PDPR: variants seen among roughly 807,000 people sequenced by gnomAD.
PDPR encodes pyruvate dehydrogenase phosphatase regulatory subunit, also known as pyruvate dehydrogenase phosphatase regulatory subunit, mitochondrial.
A neutral mutation model predicts 102.2 loss-of-function variants in PDPR; 50 were observed. The observed-to-expected ratio is 0.49, with a 90% CI of 0.39 to 0.62. The LOEUF is 0.62. PDPR is among the 20% of genes least tolerant of loss of function. PDPR has a pLI of 0.00. For missense variants in PDPR, 625 were observed against 1,098.2 expected (o/e 0.57, Z 6.09); for synonymous variants, 259 against 406.0 (o/e 0.64, Z 4.35).
chr16:70,142,639 G>A lies in PDPR; in HGVS notation c.1558G>A (p.Ala520Thr). Residue 520 changes from alanine (A) to threonine (T), a missense_variant, in exon 13 of 19, where the codon GCT becomes ACT. Physicochemically the swap from Ala to Thr is moderately conservative, Grantham distance 58. Around this residue, in one of 11 missense-constraint regions of PDPR, gnomAD observed 28 missense variants for 141.2 expected, o/e 0.20. Coordinates refer to ENST00000288050, the MANE Select transcript of PDPR (RefSeq NM_017990.5). ...GTCTGAAGTCAAGTGCTGTAAGGAA[G>A]CTGTGTGTGTCATTGACATGTCCTC... ...VESEVKCCKE[A>T]VCVIDMSSFT... 2 of 1,614,106 alleles carry A rather than the reference G, an allele frequency of 1.2e-6. No individual in the cohort carries two copies. Among genetic ancestry groups the A allele is most frequent in the Non-Finnish European group, 1.7e-6 (2 of 1,179,916 alleles).
chr16:70,124,329 C>T (rs1204324447), intron 3 of PDPR, among the ~76,000 whole-genome samples: 4 of 152,260 alleles, frequency 2.6e-5, no homozygotes, highest in Non-Finnish European at 5.9e-5. Flanking sequence ...TGCCACTGCC[C>T]TCCAGCCTGG....
intron 10 of PDPR, among the ~76,000 whole-genome samples, chr16:70,136,661 T>A (rs1412194925): frequency 1.3e-5 from 2 of 152,236 alleles, no homozygotes. Context: ...TTTTCAGTTA[T>A]AACAAATATT....
At chr16:70,142,728 T>A in intron 13 of PDPR, 42 bp downstream of exon 13, 1 of 1,613,038 alleles carries the variant, frequency 6.2e-7, no homozygotes. Flanking sequence ...TAGGAAACTT[T>A]ACATATTTAT....
At chr16:70,152,605 A>G (rs1181911903) in intron 17 of PDPR, among the ~76,000 whole-genome samples, 1 of 152,282 alleles carries the variant, frequency 6.6e-6, no homozygotes, top group Non-Finnish European at 1.5e-5. Flanking sequence ...GTTCATAGAA[A>G]CATACTGTGC....
chr16:70,149,251 T>C (rs1036608925), intron 17 of PDPR, among the ~76,000 whole-genome samples: 1 of 149,580 alleles, frequency 6.7e-6, no homozygotes, highest in East Asian at 2.0e-4. Flanking sequence ...ATCCTGTTTT[T>C]TTTTTTTTCA....
chr16:70,153,458 A>G lies in PDPR; in HGVS notation c.2120A>G (p.Tyr707Cys). The G allele has an allele frequency of 3.7e-6, 6 of 1,613,924 alleles. No individual in the cohort carries two copies. Among genetic ancestry groups the G allele is most frequent in the Non-Finnish European group, 4.2e-6 (5 of 1,179,860 alleles). Reference sequence around the variant, plus strand: ...AAATACGGAATCCGGAATGCTGGGTATTACGCTCTTCGCAGTCTCCGAATT... The same window carrying G: ...AAATACGGAATCCGGAATGCTGGGTGTTACGCTCTTCGCAGTCTCCGAATT... ...GQKYGIRNAG[Y>C]YALRSLRIEK... Residue 707 changes from tyrosine (Y) to cysteine (C), a missense_variant, in exon 18 of 19, where the codon TAT becomes TGT. Tyr to Cys is a radical substitution (Grantham distance 194, BLOSUM62 -2). This residue lies in a region of PDPR where 303 missense variants were observed against 258.9 expected (regional missense o/e 1.17). Coordinates refer to ENST00000288050, the MANE Select transcript of PDPR (RefSeq NM_017990.5).
rs1252724202 is a variant in PDPR, at chr16:70,128,765, G to C, written c.362-19G>C. 1.2e-6 allele frequency: 2 copies of C among 1,613,358 alleles called. No individual in the cohort carries two copies. Among genetic ancestry groups the C allele is most frequent in the Middle Eastern group, 3.3e-4 (2 of 6,076 alleles). On this transcript the variant is annotated intron_variant, in intron 4 of 18. Coordinates refer to ENST00000288050, the MANE Select transcript of PDPR (RefSeq NM_017990.5). The stretch of plus-strand genomic sequence containing the variant: ...ACATTTGGTCTGATCTGTCTCATTT[G>C]GGCTCATTTTTCTTACAGGTTACAC...
At chr16:70,150,530 A>ATTTTTTTT (rs1966646752) in intron 17 of PDPR, among the ~76,000 whole-genome samples, 2 of 65,514 alleles carry the variant, frequency 3.1e-5, no homozygotes, top group African/African-American at 5.6e-5. Context: ...GTTTTCTCTT[A>ATTTTTTTT]ATTTTTTTTT....
intron 3 of PDPR, among the ~76,000 whole-genome samples, chr16:70,125,446 C>T (rs1169774854): frequency 2.0e-5 from 3 of 148,638 alleles, no homozygotes; most frequent in Admixed American, 6.8e-5. Context: ...CCCTGCTACT[C>T]GGGAGACTGA....
intron 17 of PDPR, among the ~76,000 whole-genome samples, chr16:70,152,373 G>T (rs867168820): frequency 5.2e-5 from 8 of 152,388 alleles, no homozygotes; most frequent in South Asian, 4.1e-4. Flanking sequence ...ACAAAAATTA[G>T]CTGGGTGTGG....
At chr16:70,114,058 C>T (rs922103850), upstream of PDPR, 9 of 152,206 alleles carry the variant, frequency 5.9e-5, no homozygotes, top group African/African-American at 2.2e-4. Context: ...GCAGAAACCC[C>T]GCCGGTCCGA....
In PDPR at chr16:70,153,373, TTC is replaced by T; in HGVS notation, c.2053-16_2053-15del. On this transcript the variant is annotated splice_polypyrimidine_tract_variant and intron_variant, in intron 17 of 18. Coordinates refer to ENST00000288050, the MANE Select transcript of PDPR (RefSeq NM_017990.5). The stretch of plus-strand genomic sequence containing the variant: ...TCTGAAGGTCTGCTGCTTATGAACT[TTC>T]TGTCTCTTCCTATAGTACGCCCTGC... 1.9e-6 allele frequency: 3 copies of T among 1,605,832 alleles called. No homozygotes were observed. The highest frequency in any genetic ancestry group is 2.6e-6 in the Non-Finnish European group (3 of 1,176,056).
At chr16:70,138,341 C>A (rs1453359792) in intron 10 of PDPR, among the ~76,000 whole-genome samples, 2 of 151,914 alleles carry the variant, frequency 1.3e-5, no homozygotes, top group Admixed American at 1.3e-4. Flanking sequence ...TCCTCAGCCT[C>A]CGTAGTAGCT....
At chr16:70,118,835 G>A (rs1371925538) in intron 2 of PDPR, among the ~76,000 whole-genome samples, 1 of 152,132 alleles carries the variant, frequency 6.6e-6, no homozygotes, top group Admixed American at 6.5e-5. Flanking sequence ...AAGACAATTT[G>A]TCTCCAGTTG....
chr16:70,156,370 C>T, intron 18 of PDPR, 105 bp from the exon 19 acceptor site: 1 of 1,375,470 alleles, frequency 7.3e-7, no homozygotes, highest in Non-Finnish European at 9.9e-7. Context: ...GAGGAGGCGG[C>T]TGTGCCCCAT....
chr16:70,118,993 G>A (rs1011491652), intron 2 of PDPR, among the ~76,000 whole-genome samples: 4 of 152,078 alleles, frequency 2.6e-5, no homozygotes, highest in African/African-American at 9.7e-5. Flanking sequence ...CAGTGGAGGC[G>A]GTAAGGAGAT....
At chr16:70,119,630 T>TC (rs1963014740) in intron 2 of PDPR, among the ~76,000 whole-genome samples, 1 of 149,590 alleles carries the variant, frequency 6.7e-6, no homozygotes, top group Non-Finnish European at 1.5e-5. Flanking sequence ...AATGTATAGC[T>TC]CGTTCCTTAT....
At chr16:70,152,880 G>C (rs1966839686) in intron 17 of PDPR, among the ~76,000 whole-genome samples, 1 of 152,296 alleles carries the variant, frequency 6.6e-6, no homozygotes, top group Non-Finnish European at 1.5e-5. Flanking sequence ...GGCGAGCCCT[G>C]CCTTCCTGGC....
intron 3 of PDPR, among the ~76,000 whole-genome samples, chr16:70,122,149 G>C (rs1963377645): frequency 6.6e-6 from 1 of 152,240 alleles, no homozygotes; most frequent in Admixed American, 6.5e-5. Context: ...ACCATGCCCG[G>C]CTAATTTCTG....
Sources: allele counts gnomAD v4.1 joint callset (sites outside exome capture counted in the v4.1 genomes callset), GRCh38; gene constraint gnomAD v4.1.1; regional missense constraint gnomAD v4.1.1; transcripts MANE v1.5; gene names NCBI Gene and HGNC (gene_info 2026-07-23, HGNC 2026-07-21).